PLEKHH2: variants seen among roughly 807,000 people sequenced by gnomAD.
PLEKHH2 encodes the protein pleckstrin homology domain-containing family H member 2.
A neutral mutation model predicts 187.9 loss-of-function variants in PLEKHH2; 129 were observed. The ratio of observed to expected loss-of-function variants is 0.69; its 90% CI spans 0.59 to 0.79. The LOEUF is 0.79. PLEKHH2 is among the 30% of genes least tolerant of loss of function. The probability of loss-of-function intolerance (pLI) is 0.00; values close to 1 mark genes in which losing one functional copy is unlikely to be tolerated. For missense variants in PLEKHH2, 2,076 were observed against 1,751.2 expected, an observed-to-expected ratio of 1.19 and a Z score of -3.31; for synonymous variants, 686 against 605.6, an observed-to-expected ratio of 1.13 and a Z score of -1.95.
chr2:43,720,847 G>C (rs1400956126), intron 16 of PLEKHH2, 98 bp downstream of exon 16: 2 of 1,473,472 alleles, frequency 1.4e-6, no homozygotes, highest in Non-Finnish European at 1.8e-6. Flanking sequence ...TAAAACTTCA[G>C]AATCTTTATG....
chr2:43,734,822 C>G (rs1671211879), intron 19 of PLEKHH2, among the ~76,000 whole-genome samples: 1 of 152,076 alleles, frequency 6.6e-6, no homozygotes. Flanking sequence ...GCACTGTTCA[C>G]AAGAACCGAT....
intron 3 of PLEKHH2, among the ~76,000 whole-genome samples, chr2:43,687,535 G>T (rs976986082): frequency 1.3e-5 from 2 of 152,278 alleles, no homozygotes; most frequent in East Asian, 1.9e-4. Context: ...TGGGTCAAAT[G>T]GTACTTCTGT....
At chr2:43,695,046 G>A (rs1669020351) in intron 5 of PLEKHH2, 97 bp from the exon 6 acceptor site, 1 of 606,784 alleles carries the variant, frequency 1.6e-6, no homozygotes, top group Admixed American at 3.7e-5. Flanking sequence ...TACACATGTA[G>A]AGAAACTAAA....
intron 1 of PLEKHH2, among the ~76,000 whole-genome samples, chr2:43,639,560 T>A (rs569098560): frequency 2.3e-4 from 35 of 152,152 alleles, no homozygotes; most frequent in Non-Finnish European, 4.9e-4. Context: ...CTTAGCATAA[T>A]GTTTTCAAGG....
At chr2:43,714,951 G>A (rs931208008) in intron 15 of PLEKHH2, among the ~76,000 whole-genome samples, 4 of 152,168 alleles carry the variant, frequency 2.6e-5, no homozygotes, top group African/African-American at 9.7e-5. Context: ...AATGGGTGGA[G>A]GGGTGGTACT....
chr2:43,693,389 C>G (rs1668918035), intron 4 of PLEKHH2, among the ~76,000 whole-genome samples: 1 of 152,172 alleles, frequency 6.6e-6, no homozygotes, highest in Non-Finnish European at 1.5e-5. Context: ...AATCCTTCTG[C>G]TTAGAAATGT....
intron 22 of PLEKHH2, 49 bp downstream of exon 22, chr2:43,742,967 C>G (rs769749029): frequency 7.3e-7 from 1 of 1,374,142 alleles, no homozygotes. Flanking sequence ...TATGTACAAC[C>G]TCTGTTATAG....
At chr2:43,677,921 C>T (rs1409458635) in intron 2 of PLEKHH2, among the ~76,000 whole-genome samples, 114 of 43,162 alleles carry the variant, frequency 2.6e-3, no homozygotes, top group African/African-American at 6.4e-3. Context: ...GCTGGCCGGG[C>T]GGGGGGCTGA....
At chr2:43,763,596 T>TTTTTTC (rs1672513423) in intron 28 of PLEKHH2, among the ~76,000 whole-genome samples, 1 of 151,482 alleles carries the variant, frequency 6.6e-6, no homozygotes, top group African/African-American at 2.4e-5. Context: ...ATTTTTTTTT[T>TTTTTTC]TTTTTTTTTC....
intron 15 of PLEKHH2, among the ~76,000 whole-genome samples, chr2:43,717,416 TCAAACAAACAAACAAA>T (rs57980394): frequency 4.6e-5 from 7 of 150,724 alleles, no homozygotes; most frequent in African/African-American, 9.8e-5. Context: ...AGACTCCACC[TCAAACAAACAAACAAA>T]CAAACAAACA....
chr2:43,745,260 G>A (rs1376331606), intron 23 of PLEKHH2, among the ~76,000 whole-genome samples: 1 of 152,184 alleles, frequency 6.6e-6, no homozygotes, highest in African/African-American at 2.4e-5. Flanking sequence ...AGGTTGTAGT[G>A]AGCTGAGATC....
At chr2:43,642,813 CTG>C (rs1014593528) in intron 1 of PLEKHH2, among the ~76,000 whole-genome samples, 4 of 152,058 alleles carry the variant, frequency 2.6e-5, no homozygotes, top group Admixed American at 2.6e-4. Context: ...ATTTTTAAAA[CTG>C]TGGACATTTT....
chr2:43,755,230 G>T (rs924003144), intron 25 of PLEKHH2, among the ~76,000 whole-genome samples: 1 of 152,016 alleles, frequency 6.6e-6, no homozygotes. Context: ...TTCACATTCT[G>T]TCTCCTCTTT....
chr2:43,723,598 C>T (rs939422838), intron 16 of PLEKHH2, among the ~76,000 whole-genome samples: 18 of 152,080 alleles, frequency 1.2e-4, no homozygotes, highest in African/African-American at 3.6e-4. Flanking sequence ...TTCATATAGG[C>T]GTTATGAAAG....
At chr2:43,652,871 G>C (rs1000488612) in intron 2 of PLEKHH2, among the ~76,000 whole-genome samples, 1 of 152,170 alleles carries the variant, frequency 6.6e-6, no homozygotes, top group Admixed American at 6.5e-5. Context: ...TTCTCAGAGA[G>C]AAAGGAAAGG....
chr2:43,757,687 G>A (rs530869316), intron 26 of PLEKHH2, among the ~76,000 whole-genome samples: 127 of 152,064 alleles, frequency 8.4e-4, no homozygotes, highest in African/African-American at 2.8e-3. Context: ...CAAAGTGCTG[G>A]GATTAGAGGC....
At chr2:43,753,806 C>G in intron 25 of PLEKHH2, 46 bp downstream of exon 25, 2 of 1,360,504 alleles carry the variant, frequency 1.5e-6, no homozygotes, top group Non-Finnish European at 2.0e-6. Context: ...TAATATGATA[C>G]TAATTTCTAC....
chr2:43,672,849 C>T (rs1243816419), intron 2 of PLEKHH2, among the ~76,000 whole-genome samples: 2 of 152,092 alleles, frequency 1.3e-5, no homozygotes, highest in African/African-American at 4.8e-5. Flanking sequence ...TATCCATAAT[C>T]CTGTCACCTA....
intron 6 of PLEKHH2, among the ~76,000 whole-genome samples, chr2:43,695,567 A>G (rs1013377717): frequency 6.6e-6 from 1 of 152,236 alleles, no homozygotes; most frequent in African/African-American, 2.4e-5. Context: ...CCAGCTTGCT[A>G]AAAGTACTGT....
Sources: gnomAD v4.1 joint callset for allele counts (sites outside exome capture counted in the v4.1 genomes callset) on GRCh38, gnomAD v4.1.1 for gene constraint, MANE v1.5 for transcripts, NCBI Gene and HGNC (gene_info 2026-07-23, HGNC 2026-07-21) for gene names.